SNTB1: variants seen among roughly 807,000 people sequenced by gnomAD.
The protein encoded by SNTB1 is beta-1-syntrophin.
A neutral mutation model predicts 48.9 loss-of-function variants in SNTB1; 36 were observed. The ratio of observed to expected loss-of-function variants is 0.74; its 90% CI spans 0.56 to 0.97. The LOEUF (loss-of-function observed/expected upper bound fraction) is 0.97. Among genes scored for constraint, SNTB1 ranks in the 50% least tolerant of loss-of-function variants. The probability of loss-of-function intolerance (pLI) is 0.00; values close to 1 mark genes in which losing one functional copy is unlikely to be tolerated. For missense variants in SNTB1, 786 were observed against 703.4 expected, an observed-to-expected ratio of 1.12 and a Z score of -1.33; for synonymous variants, 299 against 294.6, an observed-to-expected ratio of 1.01 and a Z score of -0.15.
chr8:120,806,365 C>T (rs995706972), intron 1 of SNTB1, among the ~76,000 whole-genome samples: 2 of 152,220 alleles, frequency 1.3e-5, no homozygotes, highest in African/African-American at 2.4e-5. Context: ...TCTTCATGTG[C>T]AGCCGTGCAT....
At chr8:120,635,295 T>C (rs966427628) in intron 2 of SNTB1, among the ~76,000 whole-genome samples, 1 of 152,208 alleles carries the variant, frequency 6.6e-6, no homozygotes. Flanking sequence ...GAATACAAAC[T>C]AGCATTCTCA....
intron 2 of SNTB1, among the ~76,000 whole-genome samples, chr8:120,634,480 T>C (rs1817040679): frequency 1.3e-5 from 2 of 152,230 alleles, no homozygotes; most frequent in African/African-American, 4.8e-5. Flanking sequence ...CCGTTGGTGA[T>C]GCTGGGATTC....
intron 3 of SNTB1, among the ~76,000 whole-genome samples, chr8:120,610,339 G>T (rs561801871): frequency 1.3e-5 from 2 of 152,168 alleles, no homozygotes; most frequent in Non-Finnish European, 2.9e-5. Context: ...GTTTCACCAC[G>T]TTGGCCAGTC....
At chr8:120,727,119 C>G (rs890606976) in intron 1 of SNTB1, among the ~76,000 whole-genome samples, 4 of 152,188 alleles carry the variant, frequency 2.6e-5, no homozygotes. Context: ...AGTAAAAACT[C>G]TTGCCTGCTG....
rs531818238 is a variant in SNTB1 at position 120,602,397 on chromosome 8, T to C, written c.997-27172A>G. On this transcript the variant is annotated intron_variant, in intron 3 of 6. Coordinates refer to ENST00000517992, the MANE Select transcript of SNTB1 (RefSeq NM_021021.4). Reference sequence around the variant, plus strand: ...TAGATGTGATTAACACTTAATCACATTGACTTTGAGTAAAGCAGATGACCT... The same window carrying C: ...TAGATGTGATTAACACTTAATCACACTGACTTTGAGTAAAGCAGATGACCT... 5.9e-5 allele frequency among the ~76,000 whole-genome samples: 9 copies of C among 152,344 alleles called. No homozygotes were observed. In the South Asian group the frequency reaches 6.2e-4, roughly 11 times the overall value.
At chr8:120,590,909 A>G (rs1365173323) in intron 3 of SNTB1, among the ~76,000 whole-genome samples, 1 of 149,342 alleles carries the variant, frequency 6.7e-6, no homozygotes, top group South Asian at 2.1e-4. Context: ...CTGGTCTTGA[A>G]CTCCTGACCT....
At chr8:120,622,639 C>T (rs1203513761) in intron 3 of SNTB1, among the ~76,000 whole-genome samples, 4 of 152,066 alleles carry the variant, frequency 2.6e-5, no homozygotes, top group African/African-American at 9.7e-5. Flanking sequence ...GTGAATACAG[C>T]TGTAAATAAA....
intron 1 of SNTB1, among the ~76,000 whole-genome samples, chr8:120,717,796 C>T (rs777164998): frequency 2.0e-5 from 3 of 152,092 alleles, no homozygotes; most frequent in Non-Finnish European, 2.9e-5. Context: ...TGTTCAGTCC[C>T]CACACTGTTA....
chr8:120,772,735 T>C (rs1377082563), intron 1 of SNTB1, among the ~76,000 whole-genome samples: 2 of 152,226 alleles, frequency 1.3e-5, no homozygotes, highest in Admixed American at 1.3e-4. Flanking sequence ...AGGTTTTAAA[T>C]TGATGGACTC....
chr8:120,635,054 C>T (rs978029562), intron 2 of SNTB1, among the ~76,000 whole-genome samples: 17 of 151,984 alleles, frequency 1.1e-4, no homozygotes, highest in Non-Finnish European at 1.6e-4. Flanking sequence ...GGGGTTTCTC[C>T]GTGTTAGCCA....
At chr8:120,679,870 T>TC (rs1817900687) in intron 2 of SNTB1, among the ~76,000 whole-genome samples, 1 of 151,786 alleles carries the variant, frequency 6.6e-6, no homozygotes, top group Admixed American at 6.6e-5. Flanking sequence ...TTTTTTTTTT[T>TC]GCTTTCTTTT....
intron 4 of SNTB1, among the ~76,000 whole-genome samples, chr8:120,557,512 A>T (rs1408376624): frequency 6.6e-6 from 1 of 152,340 alleles, no homozygotes; most frequent in Middle Eastern, 3.4e-3. Context: ...GGGTAAGAAG[A>T]TAGATGTTGG....
chr8:120,563,523 C>T (rs1021992187), intron 4 of SNTB1, among the ~76,000 whole-genome samples: 2 of 152,014 alleles, frequency 1.3e-5, no homozygotes, highest in African/African-American at 2.4e-5. Context: ...GCATGGCAGT[C>T]GACACCAGGA....
At chr8:120,628,943 G>T (rs957245355) in intron 3 of SNTB1, among the ~76,000 whole-genome samples, 2 of 152,104 alleles carry the variant, frequency 1.3e-5, no homozygotes, top group East Asian at 3.9e-4. Flanking sequence ...AGGATTGCTT[G>T]AGTCCAGGAG....
intron 3 of SNTB1, among the ~76,000 whole-genome samples, chr8:120,618,392 T>C (rs541974788): frequency 1.3e-5 from 2 of 152,316 alleles, no homozygotes; most frequent in African/African-American, 4.8e-5. Context: ...TATCAGCACA[T>C]ATCACAATCT....
chr8:120,731,778 C>T (rs1818855977), intron 1 of SNTB1, among the ~76,000 whole-genome samples: 1 of 152,226 alleles, frequency 6.6e-6, no homozygotes, highest in Non-Finnish European at 1.5e-5. Flanking sequence ...TCGTTCCTCT[C>T]TATCACCCAG....
chr8:120,586,191 T>C (rs1028898827), intron 3 of SNTB1, among the ~76,000 whole-genome samples: 3 of 152,234 alleles, frequency 2.0e-5, no homozygotes, highest in Non-Finnish European at 4.4e-5. Context: ...CCAAGAATGA[T>C]TGTGGGCATG....
chr8:120,659,738 G>T (rs997046528), intron 2 of SNTB1, among the ~76,000 whole-genome samples: 1 of 152,112 alleles, frequency 6.6e-6, no homozygotes, highest in Non-Finnish European at 1.5e-5. Flanking sequence ...GTTCTCCTGT[G>T]CTAGAAATAC....
intron 2 of SNTB1, among the ~76,000 whole-genome samples, chr8:120,682,690 A>G (rs1474015850): frequency 6.6e-6 from 1 of 152,148 alleles, no homozygotes; most frequent in Non-Finnish European, 1.5e-5. Flanking sequence ...AAATACTGAC[A>G]TGTATGTAGG....
Sources: allele counts gnomAD v4.1 joint callset (sites outside exome capture counted in the v4.1 genomes callset), GRCh38; gene constraint gnomAD v4.1.1; transcripts MANE v1.5; gene names NCBI Gene and HGNC (gene_info 2026-07-23, HGNC 2026-07-21).